PDE7A: variants seen among roughly 807,000 people sequenced by gnomAD.
PDE7A encodes the protein phosphodiesterase 7A, also known as high affinity 3',5'-cyclic-AMP phosphodiesterase 7A.
PDE7A carries 39 observed loss-of-function variants against 64.3 expected under a neutral mutation model. The ratio of observed to expected loss-of-function variants is 0.61; its 90% confidence interval spans 0.47 to 0.79. The LOEUF is 0.79. Ranked by LOEUF, PDE7A falls within the 30% of genes least tolerant of loss-of-function variation. The probability of loss-of-function intolerance (pLI) is 0.00; values close to 1 mark genes in which losing one functional copy is unlikely to be tolerated. For synonymous variants in PDE7A, 203 were observed against 206.8 expected (o/e 0.98, Z 0.16); for missense variants, 470 against 582.8 (o/e 0.81, Z 1.99).
intron 1 of PDE7A, among the ~76,000 whole-genome samples, chr8:65,817,995 G>A (rs1358324078): frequency 6.6e-6 from 1 of 151,848 alleles, no homozygotes; most frequent in Non-Finnish European, 1.5e-5. Context: ...CTCGTGATCC[G>A]CCCGCCTCGG....
At chr8:65,753,211 T>A (rs1808049608) in intron 3 of PDE7A, among the ~76,000 whole-genome samples, 1 of 152,208 alleles carries the variant, frequency 6.6e-6, no homozygotes, top group Non-Finnish European at 1.5e-5. Context: ...CCAGTTTCCT[T>A]TTTTAAAAGT....
At chr8:65,788,943 G>C in intron 1 of PDE7A, 4 of 1,612,410 alleles carry the variant, frequency 2.5e-6, no homozygotes, top group Non-Finnish European at 3.4e-6. Context: ...AATTCCCATT[G>C]GATCAATCAA....
At chr8:65,730,234 G>C (rs1210043172) in intron 7 of PDE7A, among the ~76,000 whole-genome samples, 1 of 125,912 alleles carries the variant, frequency 7.9e-6, no homozygotes, top group African/African-American at 3.0e-5. Flanking sequence ...AGGCTGCAGA[G>C]TAATGGCGCA....
intron 3 of PDE7A, among the ~76,000 whole-genome samples, chr8:65,753,362 G>T (rs1445748296): frequency 6.6e-6 from 1 of 152,142 alleles, no homozygotes; most frequent in Non-Finnish European, 1.5e-5. Flanking sequence ...CTCTGCCAAA[G>T]AAATAAACTG....
intron 2 of PDE7A, 40 bp downstream of exon 2, chr8:65,782,743 C>T: frequency 1.8e-6 from 2 of 1,141,594 alleles, no homozygotes; most frequent in Non-Finnish European, 2.6e-6. Context: ...CAGGTAATAA[C>T]AAAATTAACT....
In PDE7A at chr8:65,716,241, G is replaced by A. The variant is rs1209274588; in HGVS notation, c.*3049C>T. On this transcript the variant is annotated 3_prime_UTR_variant, in exon 13 of 13. Transcript: ENST00000401827. The stretch of plus-strand genomic sequence containing the variant: ...AATGGGTTTATTATATGTGTAGGCA[G>A]GAAATGGGAGCCACACCCACAGTTC... Among the ~76,000 whole-genome samples the A allele has an allele frequency of 6.6e-6, 1 of 151,894 alleles. No homozygotes were observed. Among genetic ancestry groups the A allele is most frequent in the African/African-American group, 2.4e-5 (1 of 41,314 alleles).
chr8:65,791,100 A>T (rs546770206), intron 1 of PDE7A, among the ~76,000 whole-genome samples: 18 of 152,270 alleles, frequency 1.2e-4, no homozygotes, highest in Non-Finnish European at 1.8e-4. Context: ...TGGAAAGCGA[A>T]TACAAGATGG....
At position 65,739,614 on chromosome 8, in the gene PDE7A, G is replaced by A. The variant is rs774291417; in HGVS notation, c.500-17C>T. 2.0e-6 allele frequency: 3 copies of A among 1,497,382 alleles called. No individual in the cohort carries two copies. The highest frequency in any genetic ancestry group is 5.0e-5 in the East Asian group (2 of 40,040). The allele number at this position is 1,497,382 out of a possible 1,614,324, so 92.8% of individuals were successfully genotyped here. ...GACTATTTCCTAAAAAGAAAGAAGA[G>A]ACATTACATTAGTAGGAAATACAAG... is the stretch of plus-strand genomic sequence containing the variant. On this transcript the variant is annotated splice_polypyrimidine_tract_variant and intron_variant, in intron 5 of 12. Coordinates refer to ENST00000401827, the MANE Select transcript of PDE7A (RefSeq NM_001242318.3).
chr8:65,763,391 C>T (rs1808608290), intron 3 of PDE7A, among the ~76,000 whole-genome samples: 1 of 152,014 alleles, frequency 6.6e-6, no homozygotes, highest in Non-Finnish European at 1.5e-5. Context: ...CATGGTGAAA[C>T]CCTGTCTCTA....
intron 1 of PDE7A, 118 bp downstream of exon 1, chr8:65,841,253 G>A (rs1236590549): frequency 1.7e-6 from 2 of 1,182,854 alleles, no homozygotes; most frequent in African/African-American, 1.6e-5. Flanking sequence ...GGCCAGCCTA[G>A]AAATCCCCAG....
In PDE7A at chr8:65,723,658, A is replaced by C. The variant is rs565949429; in HGVS notation, c.1163-37T>G. ...AAAAAGAGAAGTATTAATATGAAGA[A>C]TATCTATTGGTTAAATATATAATTA... On this transcript the variant is annotated intron_variant, in intron 11 of 12. Coordinates refer to ENST00000401827, the MANE Select transcript of PDE7A (RefSeq NM_001242318.3). 29 of 1,382,642 alleles carry C rather than the reference A, an allele frequency of 2.1e-5. No homozygotes were observed. The East Asian group carries it at 6.7e-4, about 32-fold the overall frequency. The allele number at this position is 1,382,642 out of a possible 1,614,324, so 85.6% of individuals were successfully genotyped here.
chr8:65,822,899 G>A (rs1810576785), intron 1 of PDE7A, among the ~76,000 whole-genome samples: 2 of 152,036 alleles, frequency 1.3e-5, no homozygotes, highest in African/African-American at 2.4e-5. Flanking sequence ...TGAGGCAGCA[G>A]TCTCCAAAAT....
In PDE7A at chr8:65,823,951, CA is replaced by C. The variant is rs57669537; in HGVS notation, c.138+17419del. On this transcript the variant is annotated intron_variant, in intron 1 of 12. Coordinates refer to ENST00000401827, the MANE Select transcript of PDE7A (RefSeq NM_001242318.3). ...TATGACAAAATGTTCTTTCTCAATA[CA>C]AAATAATTCAAAAATTGATATAAAA... is the stretch of plus-strand genomic sequence containing the variant. Among the ~76,000 whole-genome samples the C allele has an allele frequency of 5.7e-3, 873 of 152,092 alleles. 6 individuals carry two copies. The highest frequency in any genetic ancestry group is 0.019 in the African/African-American group (784 of 41,484).
intron 7 of PDE7A, among the ~76,000 whole-genome samples, chr8:65,732,131 T>C (rs1329393864): frequency 6.6e-6 from 1 of 152,192 alleles, no homozygotes; most frequent in South Asian, 2.1e-4. Context: ...CCCAGGTAGC[T>C]GGGATTACAG....
At chr8:65,787,309 T>C (rs1213793343) in intron 1 of PDE7A, among the ~76,000 whole-genome samples, 3 of 152,220 alleles carry the variant, frequency 2.0e-5, no homozygotes, top group African/African-American at 7.2e-5. Flanking sequence ...AGTTCCATTT[T>C]GCAGATTCAT....
At chr8:65,817,946 G>A (rs971421808) in intron 1 of PDE7A, among the ~76,000 whole-genome samples, 23 of 151,984 alleles carry the variant, frequency 1.5e-4, no homozygotes, top group Non-Finnish European at 3.1e-4. Context: ...TAGAGATGGG[G>A]TTTCACCGTG....
At chr8:65,832,064 A>T (rs1261208176) in intron 1 of PDE7A, among the ~76,000 whole-genome samples, 1 of 152,198 alleles carries the variant, frequency 6.6e-6, no homozygotes, top group Non-Finnish European at 1.5e-5. Flanking sequence ...TTTTTTAAAC[A>T]CAATTAAGAT....
Position 65,754,710 on chromosome 8 carries a change from T to C in PDE7A, c.284-6907A>G, listed in dbSNP as rs555567745. ...GGCTGGGCACAGTGGCTCACGCCTGTAATCCCAGCACTTTGGGAGGCTGAG... is the reference window on the plus strand; with the variant it reads ...GGCTGGGCACAGTGGCTCACGCCTGCAATCCCAGCACTTTGGGAGGCTGAG... On this transcript the variant is annotated intron_variant, in intron 3 of 12. Transcript: ENST00000401827. Among the ~76,000 whole-genome samples the C allele has an allele frequency of 2.9e-3, 428 of 148,382 alleles. 3 individuals are homozygous for C. The highest frequency in any genetic ancestry group is 9.9e-3 in the African/African-American group (405 of 40,800).
chr8:65,782,827 GA>G lies in PDE7A; in HGVS notation c.154del (p.Ser52ProfsTer15), dbSNP rs1337062548. 3 of 1,587,834 alleles carry G rather than the reference GA, an allele frequency of 1.9e-6. No individual in the cohort carries two copies. The highest frequency in any genetic ancestry group is 2.6e-6 in the Non-Finnish European group (3 of 1,158,040). On this transcript the variant is annotated frameshift_variant, in exon 2 of 13. Transcript: ENST00000401827. LOFTEE classifies it high-confidence loss of function. ...TGCAGTCTGATCAGAACTGTCATAG[GA>G]AATAGCTCCACGCCTCTAGAAAAAA... is the stretch of plus-strand genomic sequence containing the variant. ...RQLSQRRGAI[S>X]YDSSDQTALY...
Sources: gnomAD v4.1 joint callset for allele counts (sites outside exome capture counted in the v4.1 genomes callset) on GRCh38, gnomAD v4.1.1 for gene constraint, MANE v1.5 for transcripts, NCBI Gene and HGNC (gene_info 2026-07-23, HGNC 2026-07-21) for gene names.